The following SSBP2 variants were observed in gnomAD, a reference collection of about 807,000 sequenced individuals.
The protein encoded by SSBP2 is single stranded DNA binding protein 2.
Under a neutral mutation model 61.8 loss-of-function variants are expected in SSBP2, and 17 were observed. The ratio of observed to expected loss-of-function variants is 0.28; its 90% CI spans 0.19 to 0.41. The LOEUF (loss-of-function observed/expected upper bound fraction) is 0.41. Among genes scored for constraint, SSBP2 ranks in the 10% least tolerant of loss-of-function variants. The probability of loss-of-function intolerance (pLI) is 1.00; values close to 1 mark genes in which losing one functional copy is unlikely to be tolerated. For missense variants in SSBP2, 310 were observed against 458.7 expected, an observed-to-expected ratio of 0.68 and a Z score of 2.96; for synonymous variants, 139 against 141.3, an observed-to-expected ratio of 0.98 and a Z score of 0.12.
chr5:81,663,806 G>A (rs1361123992), intron 1 of SSBP2, among the ~76,000 whole-genome samples: 1 of 152,124 alleles, frequency 6.6e-6, no homozygotes. Context: ...AAACTGAAAA[G>A]TAGCCATTTA....
At chr5:81,449,639 C>G (rs867720021) in intron 10 of SSBP2, among the ~76,000 whole-genome samples, 1 of 152,080 alleles carries the variant, frequency 6.6e-6, no homozygotes, top group African/African-American at 2.4e-5. Context: ...TATCCCAATA[C>G]CTGCTATATA....
intron 4 of SSBP2, among the ~76,000 whole-genome samples, chr5:81,605,704 A>C (rs968272936): frequency 1.3e-5 from 2 of 152,272 alleles, no homozygotes; most frequent in Non-Finnish European, 2.9e-5. Flanking sequence ...AGAAAAAAGA[A>C]GGGAAAAACA....
intron 4 of SSBP2, among the ~76,000 whole-genome samples, chr5:81,562,114 C>G (rs1353337207): frequency 1.3e-5 from 2 of 151,946 alleles, no homozygotes; most frequent in Non-Finnish European, 1.5e-5. Context: ...CCATGTTGGC[C>G]AGGCTGGTCT....
chr5:81,744,685 T>C (rs765250713), intron 1 of SSBP2, among the ~76,000 whole-genome samples: 6 of 152,106 alleles, frequency 3.9e-5, no homozygotes, highest in Non-Finnish European at 7.4e-5. Context: ...TTTGACATTA[T>C]AGCCATGAAG....
intron 2 of SSBP2, among the ~76,000 whole-genome samples, chr5:81,641,096 G>A (rs1168043969): frequency 6.6e-6 from 1 of 152,146 alleles, no homozygotes; most frequent in East Asian, 1.9e-4. Flanking sequence ...GCATGACTAG[G>A]TTTCAATGCC....
At chr5:81,608,466 A>C (rs1156506863) in intron 4 of SSBP2, among the ~76,000 whole-genome samples, 1 of 152,140 alleles carries the variant, frequency 6.6e-6, no homozygotes, top group Non-Finnish European at 1.5e-5. Context: ...TTTTTTGAAT[A>C]TGCTAAAAAA....
chr5:81,534,983 C>T (rs983491320), intron 4 of SSBP2, among the ~76,000 whole-genome samples: 1 of 151,612 alleles, frequency 6.6e-6, no homozygotes, highest in Admixed American at 6.6e-5. Context: ...ACACACACCC[C>T]TTACTGATGG....
intron 4 of SSBP2, among the ~76,000 whole-genome samples, chr5:81,570,577 C>T (rs1025323445): frequency 3.3e-5 from 5 of 152,196 alleles, no homozygotes; most frequent in Non-Finnish European, 5.9e-5. Flanking sequence ...AAGGTAAGCA[C>T]ATCATTCCTC....
intron 4 of SSBP2, among the ~76,000 whole-genome samples, chr5:81,597,524 T>G (rs62366267): frequency 1.0e-3 from 152 of 152,154 alleles, no homozygotes; most frequent in African/African-American, 3.4e-3. Flanking sequence ...ACCCAAAGGA[T>G]TATAAATCAT....
chr5:81,716,795 GAAGTT>G (rs141218296), intron 1 of SSBP2, among the ~76,000 whole-genome samples: 420 of 152,214 alleles, frequency 2.8e-3, no homozygotes, highest in Admixed American at 4.3e-3. Context: ...CTGCTATTAT[GAAGTT>G]TAGTATAAAG....
chr5:81,591,954 G>T (rs983183289), intron 4 of SSBP2, among the ~76,000 whole-genome samples: 2 of 152,224 alleles, frequency 1.3e-5, no homozygotes, highest in Non-Finnish European at 2.9e-5. Context: ...GAGGTACCGG[G>T]TTCATCTCAC....
At chr5:81,731,117 G>A (rs969750629) in intron 1 of SSBP2, among the ~76,000 whole-genome samples, 5 of 152,092 alleles carry the variant, frequency 3.3e-5, no homozygotes, top group South Asian at 2.1e-4. Flanking sequence ...ACTGAAATGC[G>A]TGCCCTTAAG....
At chr5:81,501,756 C>A (rs1447497550) in intron 5 of SSBP2, among the ~76,000 whole-genome samples, 1 of 151,552 alleles carries the variant, frequency 6.6e-6, no homozygotes, top group South Asian at 2.1e-4. Context: ...TTAGTAGAGA[C>A]GGGGTTTCAC....
chr5:81,599,296 G>A (rs1014556170), intron 4 of SSBP2, among the ~76,000 whole-genome samples: 2 of 152,114 alleles, frequency 1.3e-5, no homozygotes, highest in African/African-American at 4.8e-5. Context: ...ATCATTCTTA[G>A]GCTCTTCAGC....
At chr5:81,423,266 T>C (rs1270098398) in intron 16 of SSBP2, among the ~76,000 whole-genome samples, 1 of 152,224 alleles carries the variant, frequency 6.6e-6, no homozygotes, top group African/African-American at 2.4e-5. Context: ...ACTGAGTTCA[T>C]GAAATGTAGC....
intron 5 of SSBP2, among the ~76,000 whole-genome samples, chr5:81,505,953 C>T (rs952122496): frequency 5.9e-5 from 9 of 152,194 alleles, no homozygotes; most frequent in Non-Finnish European, 1.3e-4. Context: ...ATACCTGACA[C>T]TCCCTTCTTT....
At chr5:81,628,963 C>A (rs1747442761) in intron 3 of SSBP2, among the ~76,000 whole-genome samples, 1 of 152,132 alleles carries the variant, frequency 6.6e-6, no homozygotes, top group Non-Finnish European at 1.5e-5. Context: ...CTACTAGTCT[C>A]TGCCTCTTTT....
chr5:81,437,628 G>C (rs1762754438), intron 14 of SSBP2, 170 bp from the exon 15 acceptor site: 2 of 451,756 alleles, frequency 4.4e-6, no homozygotes, highest in African/African-American at 2.1e-5. Flanking sequence ...TAGTGAATCA[G>C]TACCATCTGA....
rs1487356580 is a variant in SSBP2 at position 81,681,285 on chromosome 5, C to T, written c.63-30946G>A. Among the ~76,000 whole-genome samples the T allele has an allele frequency of 3.3e-5, 5 of 151,836 alleles. No homozygotes were observed. The South Asian group carries it at 8.3e-4, about 25-fold the overall frequency. ...CTGTAATCCCAGCACTTTGGGAGAC[C>T]GAGGAGGGCAGATCACCTGAGGTCA... On this transcript the variant is annotated intron_variant, in intron 1 of 16. Coordinates refer to ENST00000320672, the MANE Select transcript of SSBP2 (RefSeq NM_012446.5).
Sources: gnomAD v4.1 joint callset for allele counts (sites outside exome capture counted in the v4.1 genomes callset) on GRCh38, gnomAD v4.1.1 for gene constraint, MANE v1.5 for transcripts, NCBI Gene and HGNC (gene_info 2026-07-23, HGNC 2026-07-21) for gene names.